The following DACH2 variants were observed in gnomAD, a reference collection of about 807,000 sequenced individuals.
The protein encoded by DACH2 is dachshund homolog 2.
A neutral mutation model predicts 35.8 loss-of-function variants in DACH2; 17 were observed. The observed-to-expected ratio is 0.48, with a 90% confidence interval of 0.33 to 0.71. The LOEUF is 0.71. Ranked by LOEUF, DACH2 falls within the 30% of genes least tolerant of loss-of-function variation. The pLI, the probability that DACH2 is intolerant of heterozygous loss-of-function variation, is 0.02. For missense variants in DACH2, 469 were observed against 472.7 expected, an observed-to-expected ratio of 0.99 and a Z score of 0.07; for synonymous variants, 195 against 177.3, an observed-to-expected ratio of 1.10 and a Z score of -0.79.
chrX:86,288,249 C>T, intron 1 of DACH2, among the ~76,000 whole-genome samples: 1 of 101,651 alleles, frequency 9.8e-6, no homozygotes, highest in African/African-American at 3.7e-5. Flanking sequence ...AGGAGTCTTT[C>T]CCTCTGTTCT....
chrX:86,400,078 T>C (rs777355512), intron 2 of DACH2, among the ~76,000 whole-genome samples: 107 of 111,572 alleles, frequency 9.6e-4, no homozygotes, highest in Middle Eastern at 4.7e-3. Context: ...CTTTGTTCAT[T>C]TCTTTTTATT....
At chrX:86,491,252 C>T (rs1330529872) in intron 2 of DACH2, among the ~76,000 whole-genome samples, 1 of 111,742 alleles carries the variant, frequency 8.9e-6, no homozygotes, top group Non-Finnish European at 1.9e-5. Context: ...GTCTCATGGA[C>T]ATACATTGTA....
chrX:86,376,959 A>G (rs1464957537), intron 2 of DACH2, 97 bp downstream of exon 2: 7 of 371,734 alleles, frequency 1.9e-5, no homozygotes, highest in Non-Finnish European at 4.7e-6. Context: ...TCCCTGTACT[A>G]TACTCACTAA....
chrX:86,474,828 G>T (rs988971866), intron 2 of DACH2, among the ~76,000 whole-genome samples: 23 of 111,712 alleles, frequency 2.1e-4, no homozygotes, highest in African/African-American at 6.8e-4. Flanking sequence ...CCGCTTCCTG[G>T]GTTCAAGCAA....
rs1336955100 is a variant in DACH2 at position 86,785,900 on chromosome X, A to G, written c.1241-26956A>G. 2.7e-5 allele frequency among the ~76,000 whole-genome samples: 3 copies of G among 111,441 alleles called. No homozygotes were observed. In the Admixed American group the frequency reaches 2.9e-4, roughly 11 times the overall value. ...TCTCATAAGTTTCAACAAAAGGACA[A>G]CCTAAGATAACTAGCTCTCAAACAT... On this transcript the variant is annotated intron_variant, in intron 7 of 11. Coordinates refer to ENST00000373125, the MANE Select transcript of DACH2 (RefSeq NM_053281.3).
intron 3 of DACH2, among the ~76,000 whole-genome samples, chrX:86,547,849 A>G (rs1189445194): frequency 8.9e-6 from 1 of 112,192 alleles, no homozygotes; most frequent in Non-Finnish European, 1.9e-5. Flanking sequence ...AATGCTCAGT[A>G]GTTCTGCACA....
intron 2 of DACH2, among the ~76,000 whole-genome samples, chrX:86,489,448 T>C (rs1180477950): frequency 9.0e-6 from 1 of 111,175 alleles, no homozygotes; most frequent in African/African-American, 3.3e-5. Context: ...AAATTATAGA[T>C]TTTTTTCTGT....
intron 1 of DACH2, among the ~76,000 whole-genome samples, chrX:86,311,601 C>A (rs990492165): frequency 9.0e-6 from 1 of 111,169 alleles, no homozygotes; most frequent in Non-Finnish European, 1.9e-5. Context: ...ACCATCACCA[C>A]TAGTGAGCCA....
chrX:86,748,934 C>T (rs1240963961), intron 7 of DACH2, among the ~76,000 whole-genome samples: 3 of 111,854 alleles, frequency 2.7e-5, no homozygotes, highest in African/African-American at 9.7e-5. Flanking sequence ...GCAGCTTCTA[C>T]ATCCACACTC....
chrX:86,678,962 A>G (rs1034756130), intron 4 of DACH2, among the ~76,000 whole-genome samples: 5 of 111,271 alleles, frequency 4.5e-5, no homozygotes, highest in Non-Finnish European at 9.4e-5. Flanking sequence ...TTCCCTTGGT[A>G]TCTTAGGTTC....
chrX:86,372,018 G>A (rs1203534990), intron 1 of DACH2, among the ~76,000 whole-genome samples: 1 of 111,206 alleles, frequency 9.0e-6, no homozygotes, highest in African/African-American at 3.3e-5. Flanking sequence ...TAATTTAGTA[G>A]TCCCCAAAAT....
chrX:86,547,551 A>T (rs1456573731), intron 3 of DACH2, among the ~76,000 whole-genome samples: 1 of 109,670 alleles, frequency 9.1e-6, no homozygotes, highest in Non-Finnish European at 1.9e-5. Context: ...ACACACACAC[A>T]CACACACACA....
intron 3 of DACH2, among the ~76,000 whole-genome samples, chrX:86,528,927 C>A (rs181717581): frequency 8.9e-6 from 1 of 112,297 alleles, no homozygotes. Context: ...TTTATCATTT[C>A]TATGTGTTGG....
intron 3 of DACH2, among the ~76,000 whole-genome samples, chrX:86,561,942 G>C (rs1214082440): frequency 1.0e-5 from 1 of 98,681 alleles, no homozygotes; most frequent in Non-Finnish European, 2.0e-5. Flanking sequence ...AAGGATTCAG[G>C]ATGCCAAATC....
chrX:86,708,004 A>G (rs778784559), intron 5 of DACH2, among the ~76,000 whole-genome samples: 2 of 108,450 alleles, frequency 1.8e-5, no homozygotes, highest in South Asian at 4.0e-4. Flanking sequence ...CAATTGATGT[A>G]ATCTATTACA....
intron 1 of DACH2, among the ~76,000 whole-genome samples, chrX:86,327,372 T>C (rs1471472932): frequency 8.9e-6 from 1 of 112,158 alleles, no homozygotes; most frequent in African/African-American, 3.2e-5. Context: ...ACATACATCA[T>C]TCTCAGGCCA....
intron 1 of DACH2, among the ~76,000 whole-genome samples, chrX:86,294,035 A>C (rs761053306): frequency 1.8e-5 from 2 of 111,374 alleles, no homozygotes; most frequent in African/African-American, 3.3e-5. Context: ...ACTTGGTTCC[A>C]TTCTCCCCGT....
At chrX:86,654,370 G>A (rs902221534) in intron 4 of DACH2, among the ~76,000 whole-genome samples, 4 of 109,911 alleles carry the variant, frequency 3.6e-5, no homozygotes, top group African/African-American at 1.3e-4. Flanking sequence ...GCAGGGAAAT[G>A]GGAAGAGCAA....
chrX:86,663,686 G>A (rs1416511607), intron 4 of DACH2, among the ~76,000 whole-genome samples: 1 of 111,726 alleles, frequency 9.0e-6, no homozygotes, highest in Non-Finnish European at 1.9e-5. Flanking sequence ...TATTTAAGAT[G>A]CCTAACTTCT....
Sources: allele counts gnomAD v4.1 joint callset (sites outside exome capture counted in the v4.1 genomes callset), GRCh38; gene constraint gnomAD v4.1.1; transcripts MANE v1.5; gene names NCBI Gene and HGNC (gene_info 2026-07-23, HGNC 2026-07-21).